The following APELA variants were observed in gnomAD, a reference collection of about 807,000 sequenced individuals.
APELA encodes the protein apelin receptor early endogenous ligand.
intron 2 of APELA, among the ~76,000 whole-genome samples, chr4:164,887,017 G>A (rs534576976): frequency 4.6e-5 from 7 of 151,894 alleles, no homozygotes; most frequent in East Asian, 3.9e-4. Flanking sequence ...TAGTAGAGAC[G>A]GGGTTTCACC....
chr4:164,881,391 C>T (rs1470611504), intron 2 of APELA, among the ~76,000 whole-genome samples: 1 of 152,082 alleles, frequency 6.6e-6, no homozygotes, highest in Non-Finnish European at 1.5e-5. Context: ...AGTGTTCAGA[C>T]CTTTAGCTCT....
chr4:164,898,502 CAAAAAA>C (rs371909619), downstream of APELA, among the ~76,000 whole-genome samples: 1 of 89,568 alleles, frequency 1.1e-5, no homozygotes, highest in African/African-American at 3.3e-5. Flanking sequence ...AACTCTGCCT[CAAAAAA>C]AAAAAAAAAA....
chr4:164,890,694 T>C (rs532459355), intron 2 of APELA, among the ~76,000 whole-genome samples: 1 of 152,340 alleles, frequency 6.6e-6, no homozygotes, highest in East Asian at 1.9e-4. Context: ...TGAATCATTC[T>C]GCTGTGAACA....
In APELA at chr4:164,892,090, T is replaced by G. The variant is rs1005548074; in HGVS notation, c.*2-3326T>G. On this transcript the variant is annotated intron_variant, in intron 2 of 2. Transcript: ENST00000507152. ...CTTCGGGAGGCTGAGGGGGGCAGATTGCTTGAGTCAGGGAGTTTGAGGCCA... is the reference window on the plus strand; with the variant it reads ...CTTCGGGAGGCTGAGGGGGGCAGATGGCTTGAGTCAGGGAGTTTGAGGCCA... Among the ~76,000 whole-genome samples, 11 of 152,174 alleles carry G rather than the reference T, an allele frequency of 7.2e-5. No individual in the cohort carries two copies. In the East Asian group the frequency reaches 1.5e-3, roughly 21 times the overall value.
chr4:164,885,377 C>T (rs867682040), intron 2 of APELA, among the ~76,000 whole-genome samples: 5 of 151,994 alleles, frequency 3.3e-5, no homozygotes, highest in African/African-American at 4.8e-5. Flanking sequence ...GTGATCTGCC[C>T]CCCTCGGCCT....
chr4:164,883,297 A>C (rs1299122688), intron 2 of APELA, among the ~76,000 whole-genome samples: 1 of 152,052 alleles, frequency 6.6e-6, no homozygotes, highest in African/African-American at 2.4e-5. Context: ...CTATTCAACT[A>C]TTATTTCAAA....
At chr4:164,881,294 A>G (rs569310786) in intron 2 of APELA, among the ~76,000 whole-genome samples, 9 of 152,308 alleles carry the variant, frequency 5.9e-5, no homozygotes, top group African/African-American at 1.4e-4. Flanking sequence ...TGGTTATTTG[A>G]TCAGTTAGGA....
intron 2 of APELA, among the ~76,000 whole-genome samples, chr4:164,882,218 C>T (rs980944624): frequency 1.3e-5 from 2 of 152,106 alleles, no homozygotes; most frequent in African/African-American, 4.8e-5. Context: ...ATTCTCCTGC[C>T]TCAGCCTCCC....
rs1442651665 is a variant in APELA, at chr4:164,878,991, C to T, written c.148C>T (p.Arg50Ter). 1 of 398,830 alleles carries T rather than the reference C, an allele frequency of 2.5e-6. No individual in the cohort carries two copies. Among genetic ancestry groups the T allele is most frequent in the Non-Finnish European group, 4.4e-6 (1 of 226,016 alleles). 24.7% of individuals were successfully genotyped at this position (398,830 alleles called of 1,614,324 possible). The stretch of plus-strand genomic sequence containing the variant: ...GAGGAGATGTATGCCTCTCCATTCA[C>T]GAGTACCCTTTCCCTGAGGTATTTC... Reference protein sequence around the residue: ...LQRRCMPLHSRVPFP With the variant: ...LQRRCMPLHS Residue 50 changes from arginine to a stop codon, truncating the protein, a stop_gained, in exon 2 of 3, where the codon CGA (arginine) becomes TGA (stop). Coordinates refer to ENST00000507152, the MANE Select transcript of APELA (RefSeq NM_001297550.2). LOFTEE classifies it high-confidence loss of function.
chr4:164,894,086 G>A (rs1416364056), intron 2 of APELA, among the ~76,000 whole-genome samples: 1 of 152,160 alleles, frequency 6.6e-6, no homozygotes, highest in Non-Finnish European at 1.5e-5. Flanking sequence ...ACTTTGGGAG[G>A]CCGAGGCAGG....
At chr4:164,890,972 AC>A (rs1730871116) in intron 2 of APELA, among the ~76,000 whole-genome samples, 1 of 152,208 alleles carries the variant, frequency 6.6e-6, no homozygotes, top group South Asian at 2.1e-4. Context: ...TTCCATAATG[AC>A]TAAAATGTTG....
chr4:164,879,774 GTTTA>G (rs1553970791), intron 2 of APELA, among the ~76,000 whole-genome samples: 1 of 151,866 alleles, frequency 6.6e-6, no homozygotes, highest in Non-Finnish European at 1.5e-5. Flanking sequence ...TGCCCTCAGG[GTTTA>G]TTTATTTTTT....
At chr4:164,888,964 C>T (rs1461956654) in intron 2 of APELA, among the ~76,000 whole-genome samples, 2 of 149,660 alleles carry the variant, frequency 1.3e-5, no homozygotes, top group Non-Finnish European at 3.0e-5. Context: ...AATGTCACTT[C>T]TCTTGAGAGT....
intron 2 of APELA, among the ~76,000 whole-genome samples, chr4:164,890,569 A>G (rs1730860705): frequency 6.6e-6 from 1 of 152,208 alleles, no homozygotes; most frequent in Non-Finnish European, 1.5e-5. Flanking sequence ...AGCATGTATC[A>G]GTACTCCACT....
At chr4:164,888,739 T>C (rs1254837932) in intron 2 of APELA, among the ~76,000 whole-genome samples, 4 of 152,228 alleles carry the variant, frequency 2.6e-5, no homozygotes, top group Non-Finnish European at 5.9e-5. Flanking sequence ...CTTCGTATTA[T>C]GGCTTCTATA....
chr4:164,878,834 G>C (rs1730604632), intron 1 of APELA, 86 bp from the exon 2 acceptor site: 1 of 397,726 alleles, frequency 2.5e-6, no homozygotes, highest in African/African-American at 2.1e-5. Context: ...ATCTAGTTTG[G>C]CTCCAAAATA....
downstream of APELA, among the ~76,000 whole-genome samples, chr4:164,898,502 C>CA (rs371909619): frequency 8.3e-3 from 742 of 89,416 alleles, 6 homozygotes; most frequent in East Asian, 0.063. Flanking sequence ...AACTCTGCCT[C>CA]AAAAAAAAAA....
intron 2 of APELA, among the ~76,000 whole-genome samples, chr4:164,887,921 T>C (rs1309483312): frequency 6.6e-6 from 1 of 152,206 alleles, no homozygotes; most frequent in Admixed American, 6.5e-5. Flanking sequence ...CTGATCTTTC[T>C]AAATTAATTG....
chr4:164,881,912 G>GCCT (rs1297260482), intron 2 of APELA, among the ~76,000 whole-genome samples: 1 of 151,154 alleles, frequency 6.6e-6, no homozygotes, highest in African/African-American at 2.4e-5. Flanking sequence ...GGTGGCGTGT[G>GCCT]CCTCTAGTCC....
Sources: gnomAD v4.1 joint callset for allele counts (sites outside exome capture counted in the v4.1 genomes callset) on GRCh38, gnomAD v4.1.1 for gene constraint, MANE v1.5 for transcripts, NCBI Gene and HGNC (gene_info 2026-07-23, HGNC 2026-07-21) for gene names.